Variants in GHR observed in about 807,000 individuals in gnomAD.
GHR encodes GH receptor.
GHR carries 35 observed loss-of-function variants against 67.1 expected under a neutral mutation model. The ratio of observed to expected loss-of-function variants is 0.52; its 90% CI spans 0.40 to 0.69. The LOEUF (loss-of-function observed/expected upper bound fraction) is 0.69, where lower values mean the gene tolerates loss of function less well. Ranked by LOEUF, GHR falls within the 30% of genes least tolerant of loss-of-function variation. The pLI is 0.00. For missense variants in GHR, 792 were observed against 764.6 expected, an observed-to-expected ratio of 1.04 and a Z score of -0.42; for synonymous variants, 272 against 269.1, an observed-to-expected ratio of 1.01 and a Z score of -0.10.
chr5:42,653,685 G>C (rs1328983248), intron 3 of GHR, among the ~76,000 whole-genome samples: 1 of 152,088 alleles, frequency 6.6e-6, no homozygotes, highest in African/African-American at 2.4e-5. Flanking sequence ...GGCATCTGTG[G>C]CTTCTAATTG....
rs531704616 is a variant in GHR, at chr5:42,500,797, A to G, written c.-11-65067A>G. On this transcript the variant is annotated intron_variant, in intron 1 of 9. Coordinates refer to ENST00000230882, the MANE Select transcript of GHR (RefSeq NM_000163.5). ...TGAACCACTGATTTTGTTTGCCTGCATGAAACACTTGCACAGGTTGACAGC... is the reference window on the plus strand; with the variant it reads ...TGAACCACTGATTTTGTTTGCCTGCGTGAAACACTTGCACAGGTTGACAGC... Among the ~76,000 whole-genome samples, 3 of 152,362 alleles carry G rather than the reference A, an allele frequency of 2.0e-5. No homozygotes were observed. The East Asian group carries it at 5.8e-4, about 29-fold the overall frequency.
At chr5:42,434,301 G>A (rs963869704) in intron 1 of GHR, among the ~76,000 whole-genome samples, 6 of 152,138 alleles carry the variant, frequency 3.9e-5, no homozygotes, top group African/African-American at 1.4e-4. Context: ...TTTCTGCTAG[G>A]TAGTGCATAG....
At chr5:42,639,455 T>C (rs1732884433) in intron 3 of GHR, among the ~76,000 whole-genome samples, 2 of 152,230 alleles carry the variant, frequency 1.3e-5, no homozygotes, top group African/African-American at 4.8e-5. Flanking sequence ...TTTTTATTTT[T>C]ATCTGTCATG....
At chr5:42,444,821 T>G (rs1743738176) in intron 1 of GHR, among the ~76,000 whole-genome samples, 1 of 152,216 alleles carries the variant, frequency 6.6e-6, no homozygotes, top group African/African-American at 2.4e-5. Flanking sequence ...AATGCCACAG[T>G]ATCTGCTATG....
chr5:42,496,501 C>A (rs574300191), intron 1 of GHR, among the ~76,000 whole-genome samples: 14 of 152,018 alleles, frequency 9.2e-5, no homozygotes, highest in Non-Finnish European at 1.6e-4. Context: ...TCTTGGGATG[C>A]TGGATGAAAA....
intron 2 of GHR, among the ~76,000 whole-genome samples, chr5:42,591,394 G>A (rs1751767524): frequency 6.6e-6 from 1 of 152,304 alleles, no homozygotes; most frequent in Non-Finnish European, 1.5e-5. Flanking sequence ...CAGAACAAGT[G>A]GGTAGGATCT....
chr5:42,531,567 T>C (rs1464193514), intron 1 of GHR, among the ~76,000 whole-genome samples: 1 of 152,172 alleles, frequency 6.6e-6, no homozygotes, highest in East Asian at 1.9e-4. Flanking sequence ...AGCCTCGACC[T>C]GGGCTCAAGC....
chr5:42,537,641 G>A (rs763015874), intron 1 of GHR, among the ~76,000 whole-genome samples: 7 of 152,078 alleles, frequency 4.6e-5, no homozygotes, highest in African/African-American at 1.7e-4. Context: ...TGCAGTTGTT[G>A]GATGAAATGT....
chr5:42,553,265 C>T (rs1315961041), intron 1 of GHR, among the ~76,000 whole-genome samples: 8 of 152,182 alleles, frequency 5.3e-5, no homozygotes, highest in African/African-American at 7.2e-5. Flanking sequence ...GTTAGGGCCT[C>T]TAGGGATGAA....
chr5:42,513,639 A>G (rs1045877606), intron 1 of GHR, among the ~76,000 whole-genome samples: 1 of 152,088 alleles, frequency 6.6e-6, no homozygotes, highest in Non-Finnish European at 1.5e-5. Flanking sequence ...AAAATTAGCC[A>G]GGCGTGGTGG....
chr5:42,665,045 A>G (rs555514986), intron 3 of GHR, among the ~76,000 whole-genome samples: 1 of 152,372 alleles, frequency 6.6e-6, no homozygotes, highest in South Asian at 2.1e-4. Context: ...CCACAATGAG[A>G]TACCATCTCA....
chr5:42,522,787 A>G (rs1026832676), intron 1 of GHR, among the ~76,000 whole-genome samples: 1 of 152,210 alleles, frequency 6.6e-6, no homozygotes, highest in African/African-American at 2.4e-5. Flanking sequence ...TGGTTTTAAG[A>G]AAGAGTCTGA....
chr5:42,699,932 T>C lies in GHR; in HGVS notation c.548T>C (p.Ile183Thr), dbSNP rs755629880. The change falls in exon 6 of 10, where the codon ATT becomes ACT. Residue 183 changes from isoleucine (I) to threonine (T), a missense_variant. Ile to Thr is a moderately conservative substitution (Grantham distance 89). Coordinates refer to ENST00000230882, the MANE Select transcript of GHR (RefSeq NM_000163.5). ...TGGGAAGCACCACGCAATGCAGATA[T>C]TCAGAAAGGATGGATGGTTCTGGAG... ...VRWEAPRNAD[I>T]QKGWMVLEYE... 3 of 1,599,502 alleles carry C rather than the reference T, an allele frequency of 1.9e-6. No homozygotes were observed. Among genetic ancestry groups the C allele is most frequent in the South Asian group, 2.2e-5 (2 of 90,812 alleles).
rs1373065704 is a variant in GHR at position 42,423,706 on chromosome 5, C to A, written c.-261C>A. The A allele has an allele frequency of 6.5e-6, 1 of 153,724 alleles. No individual in the cohort carries two copies. The highest frequency in any genetic ancestry group is 1.5e-5 in the Non-Finnish European group (1 of 68,586). The allele number at this position is 153,724 out of a possible 1,614,324, so 9.5% of individuals were successfully genotyped here. ...CGTTTCACCCCGCCCCCTCTCTCCT[C>A]CCCAAGCCTGACAGCCCGCGAGCTG... On this transcript the variant is annotated 5_prime_UTR_variant, in exon 1 of 10. Transcript: ENST00000230882.
rs547843770 is a variant in GHR, at chr5:42,582,316, A to G, written c.70+16372A>G. Among the ~76,000 whole-genome samples, 352 of 152,314 alleles carry G rather than the reference A, an allele frequency of 2.3e-3. 1 individual carries two copies. Among genetic ancestry groups the G allele is most frequent in the African/African-American group, 8.2e-3 (339 of 41,574 alleles). On this transcript the variant is annotated intron_variant, in intron 2 of 9. Coordinates refer to ENST00000230882, the MANE Select transcript of GHR (RefSeq NM_000163.5). Reference sequence around the variant, plus strand: ...GTTCCAGGTGGAGTCCTTGGCTGGGAGTGAGAACTTATGGTGCTTTATCCA... The same window carrying G: ...GTTCCAGGTGGAGTCCTTGGCTGGGGGTGAGAACTTATGGTGCTTTATCCA...
At chr5:42,449,415 G>A (rs1743952604) in intron 1 of GHR, among the ~76,000 whole-genome samples, 1 of 152,102 alleles carries the variant, frequency 6.6e-6, no homozygotes, top group African/African-American at 2.4e-5. Context: ...AAGGAATTGA[G>A]TTCTTGATTT....
At chr5:42,581,733 T>C (rs540664824) in intron 2 of GHR, among the ~76,000 whole-genome samples, 1 of 152,160 alleles carries the variant, frequency 6.6e-6, no homozygotes, top group African/African-American at 2.4e-5. Context: ...GCGGCTGTGG[T>C]TGTGCCCTCC....
intron 2 of GHR, among the ~76,000 whole-genome samples, chr5:42,573,514 C>T (rs1326894905): frequency 6.6e-6 from 1 of 152,086 alleles, no homozygotes; most frequent in Non-Finnish European, 1.5e-5. Context: ...CATTAAGTGA[C>T]CCGGTCACCC....
chr5:42,684,480 G>C (rs10462040), intron 3 of GHR, among the ~76,000 whole-genome samples: 1 of 152,310 alleles, frequency 6.6e-6, no homozygotes, highest in East Asian at 1.9e-4. Flanking sequence ...ACCTAAAATA[G>C]TGTTTGTTTT....
Sources: gnomAD v4.1 joint callset for allele counts (sites outside exome capture counted in the v4.1 genomes callset) on GRCh38, gnomAD v4.1.1 for gene constraint, MANE v1.5 for transcripts, NCBI Gene and HGNC (gene_info 2026-07-23, HGNC 2026-07-21) for gene names.